Variants in COQ5 observed in about 807,000 individuals in gnomAD.
COQ5 encodes the protein coenzyme Q5, methyltransferase.
COQ5 carries 27 observed loss-of-function variants against 40.5 expected under a neutral mutation model. The ratio of observed to expected loss-of-function variants is 0.67; its 90% CI spans 0.49 to 0.92. COQ5 has a LOEUF of 0.92. Ranked by LOEUF, COQ5 falls within the 40% of genes least tolerant of loss-of-function variation. The probability of loss-of-function intolerance (pLI) is 0.00; values close to 1 mark genes in which losing one functional copy is unlikely to be tolerated. For missense variants in COQ5, 409 were observed against 406.4 expected, an observed-to-expected ratio of 1.01 and a Z score of -0.06; for synonymous variants, 141 against 150.0, an observed-to-expected ratio of 0.94 and a Z score of 0.44.
At position 120,522,349 on chromosome 12, in the gene COQ5, C is replaced by G. The variant is rs768931744; in HGVS notation, c.217G>C (p.Glu73Gln). Residue 73 changes from glutamate (E) to glutamine (Q), a missense_variant, in exon 2 of 7, where the codon GAA becomes CAA. Transcript: ENST00000288532. ...EKGGKVYQVFESVAKKYDVMN... is the reference protein window; with the variant it reads ...EKGGKVYQVFQSVAKKYDVMN... ...ACATCATACTTCTTAGCCACACTTT[C>G]AAACACCTGATAGACTGACATGGGA... The G allele has an allele frequency of 6.2e-6, 10 of 1,613,610 alleles. No individual in the cohort carries two copies. The highest frequency in any genetic ancestry group is 1.7e-5 in the Admixed American group (1 of 59,980).
chr12:120,512,015 T>C (rs1869158096), intron 3 of COQ5, among the ~76,000 whole-genome samples: 1 of 149,826 alleles, frequency 6.7e-6, no homozygotes, highest in African/African-American at 2.5e-5. Flanking sequence ...TTCAAGACCA[T>C]CCGGGCTAAC....
At chr12:120,512,953 C>T (rs1052214759) in intron 3 of COQ5, among the ~76,000 whole-genome samples, 8 of 149,028 alleles carry the variant, frequency 5.4e-5, no homozygotes, top group Non-Finnish European at 1.2e-4. Context: ...AGCTACTCAC[C>T]TGCCTGATTT....
In COQ5 at chr12:120,516,804, A is replaced by C; in HGVS notation, c.353-16T>G. 1 of 1,598,112 alleles carries C rather than the reference A, an allele frequency of 6.3e-7. No homozygotes were observed. Among genetic ancestry groups the C allele is most frequent in the Non-Finnish European group, 8.6e-7 (1 of 1,165,434 alleles). ...GCAATGTCACCTGTGGGAAGCCAAC[A>C]TGAGGAAAGATGCAGACTAAAACAA... On this transcript the variant is annotated splice_polypyrimidine_tract_variant and intron_variant, in intron 2 of 6. Coordinates refer to ENST00000288532, the MANE Select transcript of COQ5 (RefSeq NM_032314.4).
At chr12:120,520,376 A>C (rs918057767) in intron 2 of COQ5, among the ~76,000 whole-genome samples, 4 of 150,546 alleles carry the variant, frequency 2.7e-5, no homozygotes, top group Non-Finnish European at 5.9e-5. Context: ...CCCAGGCTGG[A>C]GTGTGGTGGC....
At chr12:120,519,216 G>A (rs889889424) in intron 2 of COQ5, among the ~76,000 whole-genome samples, 3 of 152,118 alleles carry the variant, frequency 2.0e-5, no homozygotes, top group African/African-American at 7.2e-5. Context: ...TGCAATGAGC[G>A]TATATGTGAC....
Position 120,504,093 on chromosome 12 carries a change from A to G in COQ5, c.771-12T>C, listed in dbSNP as rs1416607182. ...ATAGATCATAAAGCCTAGGCAAACA[A>G]AAAGGTAAAAGATGAAGATTAGAAC... On this transcript the variant is annotated splice_polypyrimidine_tract_variant and intron_variant, in intron 5 of 6. Coordinates refer to ENST00000288532, the MANE Select transcript of COQ5 (RefSeq NM_032314.4). The G allele has an allele frequency of 2.7e-6, 4 of 1,470,288 alleles. No individual in the cohort carries two copies. Among genetic ancestry groups the G allele is most frequent in the South Asian group, 2.3e-5 (2 of 88,064 alleles). 91.1% of individuals were successfully genotyped at this position (1,470,288 alleles called of 1,614,324 possible). A position where few individuals can be genotyped will look rare whatever the true frequency, so the allele number is the denominator to read the frequency against.
rs763716760 is a variant in COQ5 at position 120,524,496 on chromosome 12, G to A, written c.203-2133C>T. On this transcript the variant is annotated intron_variant, in intron 1 of 6. Coordinates refer to ENST00000288532, the MANE Select transcript of COQ5 (RefSeq NM_032314.4). The stretch of plus-strand genomic sequence containing the variant: ...AGGATGGTCTCGATCTCCTGACCTC[G>A]TGATCCGCCCGCCTCGGCCTCCCAA... Among the ~76,000 whole-genome samples the A allele has an allele frequency of 7.2e-5, 11 of 151,998 alleles. No homozygotes were observed. In the South Asian group the frequency reaches 2.1e-3, roughly 29 times the overall value.
chr12:120,507,448 C>A lies in COQ5; in HGVS notation c.682-2465G>T, dbSNP rs560268544. ...TATAGGCACGCGCCACCACGCCCAG[C>A]TAATTTTTGTATTTTTAGTAGAGAC... On this transcript the variant is annotated intron_variant, in intron 4 of 6. Transcript: ENST00000288532. Among the ~76,000 whole-genome samples the A allele has an allele frequency of 3.3e-5, 5 of 151,182 alleles. No homozygotes were observed. The East Asian group carries it at 8.1e-4, about 24-fold the overall frequency.
chr12:120,504,666 T>A (rs1456070623), intron 5 of COQ5: 9 of 529,782 alleles, frequency 1.7e-5, no homozygotes, highest in Non-Finnish European at 2.4e-5. Context: ...AGGCATTTCC[T>A]GATTTTTAAA....
chr12:120,526,460 C>T (rs1274026992), intron 1 of COQ5: 6 of 455,630 alleles, frequency 1.3e-5, no homozygotes, highest in Non-Finnish European at 2.6e-5. Flanking sequence ...AACTTACCAA[C>T]ATGAACAAGA....
chr12:120,529,054 G>C lies in COQ5; in HGVS notation c.88C>G (p.Arg30Gly). The change falls in exon 1 of 7, where the codon CGT becomes GGT. Residue 30 changes from arginine to glycine, a missense_variant. Coordinates refer to ENST00000288532, the MANE Select transcript of COQ5 (RefSeq NM_032314.4). ...AGTAGGTCCCCGGGCCAAGAGCTAC[G>C]AAGCCCGAGGAGCTGGCAGCCCCGC... ...AMRGCQLLGL[R>G]SSWPGDLLSA... The C allele has an allele frequency of 6.2e-7, 1 of 1,614,058 alleles. No homozygotes were observed. Among genetic ancestry groups the C allele is most frequent in the East Asian group, 2.2e-5 (1 of 44,872 alleles).
chr12:120,504,707 C>T lies in COQ5; in HGVS notation c.770+188G>A, dbSNP rs1868802711. 9.6e-6 allele frequency: 6 copies of T among 626,098 alleles called. No homozygotes were observed. In the Admixed American group the frequency reaches 9.8e-5, roughly 10 times the overall value. The allele number at this position is 626,098 out of a possible 1,614,324, so 38.8% of individuals were successfully genotyped here. On this transcript the variant is annotated intron_variant, in intron 5 of 6. Coordinates refer to ENST00000288532, the MANE Select transcript of COQ5 (RefSeq NM_032314.4). ...GCTTCTAAGTCAATTTCTTAATATA[C>T]ATATGTAAGCCAACTTGGGTCTGGT...
intron 1 of COQ5, among the ~76,000 whole-genome samples, chr12:120,525,644 G>A (rs913570491): frequency 2.6e-5 from 4 of 152,024 alleles, no homozygotes; most frequent in Admixed American, 2.0e-4. Context: ...AATAAACAAG[G>A]CTGGGCGCAG....
chr12:120,523,034 T>TA (rs71076626), intron 1 of COQ5: 10,507 of 429,820 alleles, frequency 0.024, 274 homozygotes, highest in African/African-American at 0.11. Flanking sequence ...GAGATTCTTA[T>TA]AAAAAAAAAA....
At chr12:120,508,201 G>A (rs766688562) in intron 4 of COQ5, among the ~76,000 whole-genome samples, 2 of 151,906 alleles carry the variant, frequency 1.3e-5, no homozygotes, top group African/African-American at 4.8e-5. Flanking sequence ...TCACCATGTT[G>A]GCCAGGATGG....
chr12:120,518,059 G>T (rs1180314820), intron 2 of COQ5, among the ~76,000 whole-genome samples: 1 of 151,950 alleles, frequency 6.6e-6, no homozygotes, highest in African/African-American at 2.4e-5. Flanking sequence ...CACTCGCCTC[G>T]GCCTCCCAAA....
rs377471951 is a variant in COQ5, at chr12:120,525,695, C to T, written c.202+3245G>A. On this transcript the variant is annotated intron_variant, in intron 1 of 6. Coordinates refer to ENST00000288532, the MANE Select transcript of COQ5 (RefSeq NM_032314.4). ...ATCCCAGAACTTTGGGAGGCTGAGG[C>T]GGGGGGATCACGAGGTCCAGAGATC... Among the ~76,000 whole-genome samples, 106 of 152,002 alleles carry T rather than the reference C, an allele frequency of 7.0e-4. 4 individuals are homozygous for T. In the South Asian group the frequency reaches 0.021, roughly 31 times the overall value.
At chr12:120,513,026 C>G (rs1869207831) in intron 3 of COQ5, among the ~76,000 whole-genome samples, 1 of 151,126 alleles carries the variant, frequency 6.6e-6, no homozygotes, top group East Asian at 2.0e-4. Context: ...TCTCGAACTC[C>G]TGACCTGAGG....
chr12:120,507,974 G>A (rs1868954328), intron 4 of COQ5, among the ~76,000 whole-genome samples: 1 of 151,826 alleles, frequency 6.6e-6, no homozygotes, highest in Non-Finnish European at 1.5e-5. Flanking sequence ...AGAAATATTT[G>A]TTTACTTTTA....
Sources: allele counts gnomAD v4.1 joint callset (sites outside exome capture counted in the v4.1 genomes callset), GRCh38; gene constraint gnomAD v4.1.1; transcripts MANE v1.5; gene names NCBI Gene and HGNC (gene_info 2026-07-23, HGNC 2026-07-21).